Variants in CCDC178 observed in about 807,000 individuals in gnomAD.
CCDC178 encodes the protein coiled-coil domain containing 178, also known as coiled-coil domain-containing protein 178.
A neutral mutation model predicts 117.4 loss-of-function variants in CCDC178; 126 were observed. That is an observed-to-expected ratio of 1.07 (90% CI 0.93 to 1.24). The LOEUF (loss-of-function observed/expected upper bound fraction) is 1.24. Among genes scored for constraint, CCDC178 ranks in the 50% most tolerant of loss-of-function variants. CCDC178 has a pLI of 0.00. For missense variants in CCDC178, 1,030 were observed against 986.9 expected (o/e 1.04, Z -0.59); for synonymous variants, 283 against 313.4 (o/e 0.90, Z 1.02).
At chr18:33,418,773 C>A (rs999256254) in intron 2 of CCDC178, among the ~76,000 whole-genome samples, 8 of 152,082 alleles carry the variant, frequency 5.3e-5, no homozygotes, top group African/African-American at 1.9e-4. Flanking sequence ...CCTAGGAATA[C>A]AGCTAACCAG....
chr18:33,144,187 T>C (rs1428313262), intron 20 of CCDC178, among the ~76,000 whole-genome samples: 1 of 152,104 alleles, frequency 6.6e-6, no homozygotes, highest in East Asian at 1.9e-4. Context: ...AAATAGCTTG[T>C]TTCTCCTCAA....
At chr18:33,379,128 ATATATATTT>A (rs2063402349) in intron 5 of CCDC178, among the ~76,000 whole-genome samples, 1 of 139,104 alleles carries the variant, frequency 7.2e-6, no homozygotes, top group Admixed American at 7.3e-5. Context: ...TATATATAAT[ATATATATTT>A]CCATATATAT....
At chr18:33,285,632 A>G (rs1171671651) in intron 12 of CCDC178, among the ~76,000 whole-genome samples, 1 of 152,190 alleles carries the variant, frequency 6.6e-6, no homozygotes, top group Non-Finnish European at 1.5e-5. Context: ...ACCATAACCA[A>G]GCAGAGTTCA....
intron 12 of CCDC178, among the ~76,000 whole-genome samples, chr18:33,275,482 G>A (rs2059937143): frequency 6.6e-6 from 1 of 151,036 alleles, no homozygotes; most frequent in Non-Finnish European, 1.5e-5. Context: ...TGAATACATT[G>A]TCATTGAGGT....
intron 21 of CCDC178, among the ~76,000 whole-genome samples, chr18:32,978,733 T>C (rs570983808): frequency 3.2e-4 from 49 of 152,164 alleles, no homozygotes; most frequent in African/African-American, 1.1e-3. Flanking sequence ...GGACAAAAGA[T>C]AGCTATAAGA....
intron 2 of CCDC178, among the ~76,000 whole-genome samples, chr18:33,418,567 C>T (rs2063979067): frequency 6.7e-6 from 1 of 149,488 alleles, no homozygotes; most frequent in Non-Finnish European, 1.5e-5. Context: ...GCAGACAATA[C>T]ATTTCTATAT....
At chr18:33,045,046 A>G (rs112276144) in intron 21 of CCDC178, among the ~76,000 whole-genome samples, 1 of 152,142 alleles carries the variant, frequency 6.6e-6, no homozygotes, top group African/African-American at 2.4e-5. Context: ...AAATTTACCT[A>G]TTGAGTATAA....
chr18:33,357,149 T>G (rs568643445), intron 6 of CCDC178, among the ~76,000 whole-genome samples: 1 of 152,216 alleles, frequency 6.6e-6, no homozygotes, highest in African/African-American at 2.4e-5. Flanking sequence ...ATGTATAACT[T>G]GCATGTATTG....
intron 21 of CCDC178, among the ~76,000 whole-genome samples, chr18:33,020,636 A>T (rs901873580): frequency 2.0e-5 from 3 of 152,160 alleles, no homozygotes; most frequent in Non-Finnish European, 4.4e-5. Flanking sequence ...AATGTTTTCA[A>T]TTTTATAAAT....
intron 18 of CCDC178, among the ~76,000 whole-genome samples, chr18:33,222,276 TTTCC>T (rs984628063): frequency 1.3e-3 from 199 of 148,960 alleles, no homozygotes; most frequent in East Asian, 4.3e-3. Context: ...TCCTTCCTTC[TTTCC>T]TTCCTTCCTT....
At chr18:33,065,914 T>G (rs1165750323) in intron 21 of CCDC178, among the ~76,000 whole-genome samples, 2 of 148,460 alleles carry the variant, frequency 1.3e-5, no homozygotes, top group Non-Finnish European at 3.0e-5. Flanking sequence ...CAGGCTGGAG[T>G]GCAGTGGCGT....
intron 21 of CCDC178, among the ~76,000 whole-genome samples, chr18:32,999,004 A>G (rs2055575317): frequency 6.6e-6 from 1 of 152,086 alleles, no homozygotes; most frequent in Non-Finnish European, 1.5e-5. Context: ...CATCTTGGCC[A>G]CAGTAGAGTA....
At chr18:33,117,275 A>T (rs967360713) in intron 20 of CCDC178, among the ~76,000 whole-genome samples, 1 of 152,106 alleles carries the variant, frequency 6.6e-6, no homozygotes, top group African/African-American at 2.4e-5. Context: ...TCTTTTCTCA[A>T]CCACGCCTGG....
chr18:33,062,875 A>C (rs1035574253), intron 21 of CCDC178, among the ~76,000 whole-genome samples: 1 of 142,786 alleles, frequency 7.0e-6, no homozygotes, highest in African/African-American at 2.8e-5. Flanking sequence ...CCGAAGTGTC[A>C]CAACGCCAGG....
At chr18:33,034,237 A>G (rs924898736) in intron 21 of CCDC178, among the ~76,000 whole-genome samples, 3 of 151,818 alleles carry the variant, frequency 2.0e-5, no homozygotes, top group African/African-American at 7.3e-5. Flanking sequence ...TTAGGCTCTC[A>G]TTATTTCTTG....
At chr18:33,141,353 A>T (rs1305730726) in intron 20 of CCDC178, among the ~76,000 whole-genome samples, 3 of 152,134 alleles carry the variant, frequency 2.0e-5, no homozygotes, top group South Asian at 2.1e-4. Context: ...GCCAATGGAC[A>T]TGGTAAAAAT....
At chr18:33,387,066 C>T (rs1343542506) in intron 5 of CCDC178, among the ~76,000 whole-genome samples, 2 of 152,014 alleles carry the variant, frequency 1.3e-5, no homozygotes, top group Non-Finnish European at 2.9e-5. Flanking sequence ...TTCCTATATG[C>T]CAACAACAGA....
chr18:33,245,295 T>G lies in CCDC178; in HGVS notation c.1543A>C (p.Lys515Gln), dbSNP rs756955640. ...IGTLFHLTKH[K>Q]TDEMEDKIAE... ...ATTTTATCTTCCATTTCATCTGTCT[T>G]GTGTTTGGTTAGGTGGAAAAGAGTA... Residue 515 changes from lysine to glutamine, a missense_variant, in exon 15 of 23, where the codon AAG (lysine) becomes CAG (glutamine). Lys to Gln is a moderately conservative substitution (Grantham distance 53, BLOSUM62 1). Coordinates refer to ENST00000383096, the MANE Select transcript of CCDC178 (RefSeq NM_001105528.4). 1.1e-5 allele frequency: 17 copies of G among 1,604,454 alleles called. No individual in the cohort carries two copies. The highest frequency in any genetic ancestry group is 1.4e-5 in the Non-Finnish European group (17 of 1,175,920).
In CCDC178 at chr18:32,954,417, T is replaced by C. The variant is rs575011240; in HGVS notation, c.2524-16326A>G. The C allele has an allele frequency of 4.9e-4, 74 of 152,276 alleles. 1 individual carries two copies. The highest frequency in any genetic ancestry group is 1.7e-3 in the African/African-American group (72 of 41,574). The allele number at this position is 152,276 out of a possible 1,614,324, so 9.4% of individuals were successfully genotyped here. ...ATATATCATAAAAATGCTATATGTA[T>C]ATATTTGGCATGTATTTCAAATAAT... On this transcript the variant is annotated intron_variant, in intron 22 of 22. Coordinates refer to ENST00000383096, the MANE Select transcript of CCDC178 (RefSeq NM_001105528.4).
Sources: allele counts gnomAD v4.1 joint callset (sites outside exome capture counted in the v4.1 genomes callset), GRCh38; gene constraint gnomAD v4.1.1; transcripts MANE v1.5; gene names NCBI Gene and HGNC (gene_info 2026-07-23, HGNC 2026-07-21).